The following MCC variants were observed in gnomAD, a reference collection of about 807,000 sequenced individuals.
MCC encodes colorectal mutant cancer protein.
Under a neutral mutation model 116.2 loss-of-function variants are expected in MCC, and 90 were observed. That is an observed-to-expected ratio of 0.77 (90% CI 0.65 to 0.92). MCC has a LOEUF of 0.92. Ranked by LOEUF, MCC falls within the 40% of genes least tolerant of loss-of-function variation. The pLI is 0.00. For synonymous variants in MCC, 578 were observed against 510.5 expected (o/e 1.13, Z -1.78); for missense variants, 1,516 against 1,312.2 (o/e 1.16, Z -2.40).
chr5:113,239,877 A>G (rs1764296823), intron 3 of MCC, among the ~76,000 whole-genome samples: 1 of 152,140 alleles, frequency 6.6e-6, no homozygotes, highest in Admixed American at 6.5e-5. Flanking sequence ...TCAGTTTCTG[A>G]TCATTACCTG....
chr5:113,112,548 A>T (rs546289204), intron 6 of MCC, among the ~76,000 whole-genome samples: 1 of 152,332 alleles, frequency 6.6e-6, no homozygotes, highest in South Asian at 2.1e-4. Flanking sequence ...CTGTGAATCA[A>T]TTAAACCTCT....
At chr5:113,212,571 T>C (rs1763172132) in intron 3 of MCC, among the ~76,000 whole-genome samples, 1 of 152,238 alleles carries the variant, frequency 6.6e-6, no homozygotes, top group African/African-American at 2.4e-5. Context: ...CCTCTAGATA[T>C]AGCCACGTTT....
At chr5:113,238,365 A>C (rs1002151882) in intron 3 of MCC, among the ~76,000 whole-genome samples, 5 of 152,226 alleles carry the variant, frequency 3.3e-5, no homozygotes, top group Non-Finnish European at 7.3e-5. Context: ...AACTAATGGT[A>C]GAATTTTGTA....
chr5:113,269,238 G>A (rs1325299410), intron 3 of MCC: 2 of 985,060 alleles, frequency 2.0e-6, no homozygotes, highest in African/African-American at 1.7e-5. Flanking sequence ...CTCTCCAGGT[G>A]GGGACTGGGC....
intron 1 of MCC, among the ~76,000 whole-genome samples, chr5:113,450,050 T>C (rs1358142417): frequency 6.6e-6 from 1 of 152,134 alleles, no homozygotes; most frequent in African/African-American, 2.4e-5. Flanking sequence ...CTGCAAATAA[T>C]TTATTGAATT....
At chr5:113,445,665 C>T (rs1168818079) in intron 1 of MCC, among the ~76,000 whole-genome samples, 3 of 152,076 alleles carry the variant, frequency 2.0e-5, no homozygotes, top group South Asian at 4.2e-4. Flanking sequence ...GGCCATAAAG[C>T]CCAAAGCGAT....
chr5:113,157,666 A>T (rs950106684), intron 3 of MCC, among the ~76,000 whole-genome samples: 4 of 152,216 alleles, frequency 2.6e-5, no homozygotes, highest in Admixed American at 2.6e-4. Context: ...ACTCACTGCC[A>T]GCGTGCATCT....
At position 113,104,255 on chromosome 5, in the gene MCC, G is replaced by T. The variant is rs140530943; in HGVS notation, c.1128C>A (p.Ala376=). ...RKKSSCSLSV[A]EVDKHIEQLT... is the part of the protein sequence containing the mutation. ...GCTGCTCAATGTGCTTGTCCACCTC[G>T]GCCACGGAGAGGCTGCAGCTGCTCT... The change falls in exon 7 of 19, where the codon GCC becomes GCA. Residue 376 remains alanine, a synonymous_variant. Coordinates refer to ENST00000408903, the MANE Select transcript of MCC (RefSeq NM_001085377.2). 1 of 1,614,004 alleles carries T rather than the reference G, an allele frequency of 6.2e-7. No homozygotes were observed. The highest frequency in any genetic ancestry group is 8.5e-7 in the Non-Finnish European group (1 of 1,180,000).
chr5:113,130,145 C>T (rs1758336685), intron 5 of MCC, among the ~76,000 whole-genome samples: 1 of 152,158 alleles, frequency 6.6e-6, no homozygotes, highest in Non-Finnish European at 1.5e-5. Flanking sequence ...CCATGGAATA[C>T]TATGCATCCA....
rs75148264 is a variant in MCC, at chr5:113,340,599, C to T, written c.547G>A (p.Ala183Thr). 2.6e-3 allele frequency: 4,260 copies of T among 1,614,144 alleles called. 17 individuals are homozygous for T. Among genetic ancestry groups the T allele is most frequent in the Middle Eastern group, 6.1e-3 (37 of 6,058 alleles). ...TGTGTGAGCAGTTTGTGGAGAGCAGCCTGCTGATGCAAAGAGCTTCCGCCA... is the reference window on the plus strand; with the variant it reads ...TGTGTGAGCAGTTTGTGGAGAGCAGTCTGCTGATGCAAAGAGCTTCCGCCA... ...EYGGSSLHQQ[A>T]ALHKLLTQSP... The change falls in exon 3 of 19, where the codon GCT (alanine) becomes ACT (threonine). Residue 183 changes from alanine (A) to threonine (T), a missense_variant. Coordinates refer to ENST00000408903, the MANE Select transcript of MCC (RefSeq NM_001085377.2).
intron 3 of MCC, among the ~76,000 whole-genome samples, chr5:113,152,577 C>G (rs1006695636): frequency 3.3e-5 from 5 of 152,208 alleles, no homozygotes; most frequent in African/African-American, 1.2e-4. Flanking sequence ...TGGTACGTAA[C>G]TCAACTTTGA....
chr5:113,264,830 G>A (rs1178345000), intron 3 of MCC, among the ~76,000 whole-genome samples: 1 of 152,152 alleles, frequency 6.6e-6, no homozygotes, highest in Non-Finnish European at 1.5e-5. Context: ...ATCACCTGAG[G>A]TTAGGAGTTT....
chr5:113,034,904 C>A (rs1368544424), intron 17 of MCC, among the ~76,000 whole-genome samples: 2 of 152,232 alleles, frequency 1.3e-5, no homozygotes, highest in Non-Finnish European at 2.9e-5. Flanking sequence ...TGGCTGCTCC[C>A]TTTCTATACT....
intron 1 of MCC, among the ~76,000 whole-genome samples, chr5:113,457,084 G>A (rs1230805646): frequency 6.6e-6 from 1 of 152,190 alleles, no homozygotes; most frequent in Non-Finnish European, 1.5e-5. Flanking sequence ...CACTGTGGGA[G>A]CCCCTTTCTG....
chr5:113,169,695 C>T (rs913246223), intron 3 of MCC, among the ~76,000 whole-genome samples: 2 of 152,168 alleles, frequency 1.3e-5, no homozygotes, highest in Non-Finnish European at 2.9e-5. Flanking sequence ...GACTTGACCT[C>T]TTCCCCAAGA....
rs112342656 is a variant in MCC at position 113,320,362 on chromosome 5, T to C, written c.627+20157A>G. Among the ~76,000 whole-genome samples, 1,299 of 150,398 alleles carry C rather than the reference T, an allele frequency of 8.6e-3. 9 individuals are homozygous for C. The highest frequency in any genetic ancestry group is 0.014 in the Non-Finnish European group (944 of 67,912). ...GCAAATATATAGAAACTGAAAGAAA[T>C]GCAAATTCAGATTCATGTCAGGAAA... On this transcript the variant is annotated intron_variant, in intron 3 of 18. Transcript: ENST00000408903.
intron 3 of MCC, among the ~76,000 whole-genome samples, chr5:113,216,648 C>T (rs1763328357): frequency 1.3e-5 from 2 of 152,176 alleles, no homozygotes; most frequent in Admixed American, 1.3e-4. Flanking sequence ...GACAAAATGA[C>T]TATATTTAAA....
intron 8 of MCC, among the ~76,000 whole-genome samples, chr5:113,094,295 C>T (rs1000178078): frequency 7.2e-5 from 11 of 152,042 alleles, no homozygotes; most frequent in Non-Finnish European, 1.3e-4. Flanking sequence ...AAACATCCAA[C>T]AGCATTTCCA....
Position 113,395,383 on chromosome 5 carries a change from A to T in MCC, c.171-10171T>A, listed in dbSNP as rs535681990. ...ATTCACTATGCCAAAAGAAAAAAAA[A>T]TTAAGCTGAAAGCTGAGTCATGCAA... On this transcript the variant is annotated intron_variant, in intron 1 of 18. Transcript: ENST00000408903. Among the ~76,000 whole-genome samples the T allele has an allele frequency of 2.0e-5, 3 of 152,346 alleles. No individual in the cohort carries two copies. In the East Asian group the frequency reaches 5.8e-4, roughly 29 times the overall value.
Sources: gnomAD v4.1 joint callset for allele counts (sites outside exome capture counted in the v4.1 genomes callset) on GRCh38, gnomAD v4.1.1 for gene constraint, MANE v1.5 for transcripts, NCBI Gene and HGNC (gene_info 2026-07-23, HGNC 2026-07-21) for gene names.